CMSS1: variants seen among roughly 807,000 people sequenced by gnomAD.
CMSS1 encodes the protein protein CMSS1.
CMSS1 carries 33 observed loss-of-function variants against 43.5 expected under a neutral mutation model. The ratio of observed to expected loss-of-function variants is 0.76; its 90% CI spans 0.57 to 1.01. The LOEUF (loss-of-function observed/expected upper bound fraction) is 1.01. Ranked by LOEUF, CMSS1 falls within the 50% of genes least tolerant of loss-of-function variation. The pLI is 0.00. For missense variants in CMSS1, 313 were observed against 326.4 expected (o/e 0.96, Z 0.32); for synonymous variants, 115 against 117.2 (o/e 0.98, Z 0.12).
chr3:99,965,284 A>G (rs760667602), intron 1 of CMSS1, among the ~76,000 whole-genome samples: 21 of 152,248 alleles, frequency 1.4e-4, no homozygotes, highest in South Asian at 1.0e-3. Flanking sequence ...TTCTTTGTAT[A>G]TGTGGGAGTT....
At chr3:99,851,235 G>A (rs1559659375) in intron 1 of CMSS1, among the ~76,000 whole-genome samples, 1 of 152,166 alleles carries the variant, frequency 6.6e-6, no homozygotes, top group Non-Finnish European at 1.5e-5. Context: ...GGAAAATCTT[G>A]ATAAAGTTAT....
chr3:100,124,212 A>AC (rs1201464441), intron 1 of CMSS1, among the ~76,000 whole-genome samples: 2 of 151,994 alleles, frequency 1.3e-5, no homozygotes, highest in African/African-American at 4.8e-5. Context: ...TGTTTCAGTT[A>AC]CTCAATTTTG....
At chr3:100,077,670 C>G (rs2065870774) in intron 1 of CMSS1, among the ~76,000 whole-genome samples, 2 of 152,128 alleles carry the variant, frequency 1.3e-5, no homozygotes, top group African/African-American at 4.8e-5. Flanking sequence ...CACCTATAAT[C>G]ACAGTGAGGT....
intron 1 of CMSS1, among the ~76,000 whole-genome samples, chr3:99,890,905 T>C (rs1231698517): frequency 6.6e-6 from 1 of 152,182 alleles, no homozygotes; most frequent in African/African-American, 2.4e-5. Context: ...GAATTTTATA[T>C]GTAGGAATTC....
chr3:100,112,352 C>G (rs1247707023), intron 1 of CMSS1, among the ~76,000 whole-genome samples: 1 of 152,056 alleles, frequency 6.6e-6, no homozygotes, highest in Non-Finnish European at 1.5e-5. Context: ...TTTTTTGCAT[C>G]CTTGGACCTG....
intron 1 of CMSS1, among the ~76,000 whole-genome samples, chr3:99,933,321 G>A (rs1034391205): frequency 4.3e-4 from 66 of 152,138 alleles, no homozygotes; most frequent in African/African-American, 1.6e-3. Context: ...GTTGTCACTG[G>A]CTCTTCCCTA....
intron 1 of CMSS1, among the ~76,000 whole-genome samples, chr3:99,906,793 A>G (rs532276437): frequency 9.6e-4 from 147 of 152,346 alleles, no homozygotes; most frequent in African/African-American, 3.4e-3. Flanking sequence ...AACTATAAGT[A>G]GAAGAGATGG....
At chr3:100,056,199 A>C (rs544384609) in intron 1 of CMSS1, among the ~76,000 whole-genome samples, 7 of 152,308 alleles carry the variant, frequency 4.6e-5, no homozygotes, top group African/African-American at 1.7e-4. Flanking sequence ...AAATATTATT[A>C]CCAGCTGAGG....
At chr3:100,137,297 T>C (rs2066763738) in intron 1 of CMSS1, among the ~76,000 whole-genome samples, 3 of 152,286 alleles carry the variant, frequency 2.0e-5, no homozygotes, top group South Asian at 2.1e-4. Context: ...TCTAGAAATA[T>C]AGAACTTCCC....
intron 1 of CMSS1, chr3:100,114,971 C>T: frequency 6.5e-7 from 1 of 1,534,638 alleles, no homozygotes; most frequent in South Asian, 1.2e-5. Context: ...GCTGAGGAAA[C>T]TCTAGAGCAA....
chr3:99,970,975 G>C (rs551051844), intron 1 of CMSS1, among the ~76,000 whole-genome samples: 1 of 152,332 alleles, frequency 6.6e-6, no homozygotes, highest in East Asian at 1.9e-4. Flanking sequence ...CTACCTGTGT[G>C]ATTGAAGAGG....
rs150747691 is a variant in CMSS1 at position 99,947,285 on chromosome 3, TC to T, written c.64+129243del. 8.8e-3 allele frequency among the ~76,000 whole-genome samples: 1,333 copies of T among 152,334 alleles called. 20 individuals carry two copies. The highest frequency in any genetic ancestry group is 0.027 in the African/African-American group (1,102 of 41,570). On this transcript the variant is annotated intron_variant, in intron 1 of 9. Coordinates refer to ENST00000421999, the MANE Select transcript of CMSS1 (RefSeq NM_032359.4). ...GTATAGTTTCCCATAGACTTTCTTA[TC>T]TTTGTATCTGTTATACTATACATAT...
At chr3:99,880,688 A>G (rs571512935) in intron 1 of CMSS1, among the ~76,000 whole-genome samples, 12 of 152,042 alleles carry the variant, frequency 7.9e-5, no homozygotes, top group Admixed American at 2.0e-4. Flanking sequence ...AATTAATTTA[A>G]AATTTTTTTT....
intron 1 of CMSS1, chr3:99,875,953 G>GAA: frequency 1.5e-6 from 1 of 671,458 alleles, no homozygotes; most frequent in Non-Finnish European, 1.8e-6. Flanking sequence ...GATGCGCTTT[G>GAA]CGAAACCTGT....
chr3:99,960,158 G>A lies in CMSS1; in HGVS notation c.64+142115G>A, dbSNP rs1038719191. On this transcript the variant is annotated intron_variant, in intron 1 of 9. Coordinates refer to ENST00000421999, the MANE Select transcript of CMSS1 (RefSeq NM_032359.4). ...GGTAGCTCACAACCTGCCAAGTACC[G>A]GAGAGAAGTAGTTCTTTTCTCTCCA... Among the ~76,000 whole-genome samples, 9 of 152,060 alleles carry A rather than the reference G, an allele frequency of 5.9e-5. No homozygotes were observed. The East Asian group carries it at 1.2e-3, about 20-fold the overall frequency.
chr3:99,987,423 G>A (rs1488071138), intron 1 of CMSS1, among the ~76,000 whole-genome samples: 9 of 151,040 alleles, frequency 6.0e-5, no homozygotes, highest in Admixed American at 5.9e-4. Flanking sequence ...CAGCTACTCG[G>A]GAGGCTGAGA....
Position 100,151,851 on chromosome 3 carries a change from T to C in CMSS1, c.153+4790T>C, listed in dbSNP as rs79293098. Among the ~76,000 whole-genome samples, 514 of 152,284 alleles carry C rather than the reference T, an allele frequency of 3.4e-3. 5 individuals are homozygous for C. The highest frequency in any genetic ancestry group is 0.012 in the African/African-American group (502 of 41,558). The stretch of plus-strand genomic sequence containing the variant: ...TGCAGTGTGAGCTCAATATCCAAAA[T>C]CTTGTCATCTAAATCAGGTCCAGGT... On this transcript the variant is annotated intron_variant, in intron 2 of 9. Coordinates refer to ENST00000421999, the MANE Select transcript of CMSS1 (RefSeq NM_032359.4).
intron 1 of CMSS1, among the ~76,000 whole-genome samples, chr3:99,883,822 A>G (rs1438859468): frequency 2.0e-5 from 3 of 152,198 alleles, no homozygotes; most frequent in African/African-American, 4.8e-5. Flanking sequence ...TAATAACCCT[A>G]TGGGATAGAT....
At chr3:99,924,918 T>A (rs1335177990) in intron 1 of CMSS1, among the ~76,000 whole-genome samples, 1 of 152,220 alleles carries the variant, frequency 6.6e-6, no homozygotes, top group Non-Finnish European at 1.5e-5. Flanking sequence ...TTTATTGCCA[T>A]CAAATTTTTC....
Sources: allele counts gnomAD v4.1 joint callset (sites outside exome capture counted in the v4.1 genomes callset), GRCh38; gene constraint gnomAD v4.1.1; transcripts MANE v1.5; gene names NCBI Gene and HGNC (gene_info 2026-07-23, HGNC 2026-07-21).